The following CYP27C1 variants were observed in gnomAD, a reference collection of about 807,000 sequenced individuals.
CYP27C1 encodes the protein cytochrome P450 family 27 subfamily C member 1.
A neutral mutation model predicts 40.6 loss-of-function variants in CYP27C1; 29 were observed. That is an observed-to-expected ratio of 0.71 (90% CI 0.53 to 0.97). The LOEUF (loss-of-function observed/expected upper bound fraction) is 0.97. Ranked by LOEUF, CYP27C1 falls within the 50% of genes least tolerant of loss-of-function variation. CYP27C1 has a pLI of 0.00. For synonymous variants in CYP27C1, 198 were observed against 186.8 expected (o/e 1.06, Z -0.49); for missense variants, 390 against 485.8 (o/e 0.80, Z 1.85).
intron 1 of CYP27C1, among the ~76,000 whole-genome samples, chr2:127,207,648 T>C (rs1301147697): frequency 1.3e-5 from 2 of 150,926 alleles, no homozygotes; most frequent in African/African-American, 4.9e-5. Context: ...CAGGCCTGGG[T>C]GACAGAGCAA....
chr2:127,184,955 G>A lies in CYP27C1; in HGVS notation c.*2316C>T, dbSNP rs1025547262. 1 of 152,226 alleles carries A rather than the reference G, an allele frequency of 6.6e-6. No individual in the cohort carries two copies. Among genetic ancestry groups the A allele is most frequent in the Non-Finnish European group, 1.5e-5 (1 of 68,144 alleles). The allele number at this position is 152,226 out of a possible 1,614,324, so 9.4% of individuals were successfully genotyped here. On this transcript the variant is annotated 3_prime_UTR_variant, in exon 9 of 9. Coordinates refer to ENST00000664447, the MANE Select transcript of CYP27C1 (RefSeq NM_001367502.1). Reference sequence around the variant, plus strand: ...CAGCCTCAGCCTCCCAAATAGCTAGGACTACAGGCATGCACCACCACACTC... The same window carrying A: ...CAGCCTCAGCCTCCCAAATAGCTAGAACTACAGGCATGCACCACCACACTC...
In CYP27C1 at chr2:127,193,141, T is replaced by G. The variant is rs1304916214; in HGVS notation, c.1450A>C (p.Ile484Leu). 6.2e-7 allele frequency: 1 copy of G among 1,614,096 alleles called. No homozygotes were observed. The highest frequency in any genetic ancestry group is 8.5e-7 in the Non-Finnish European group (1 of 1,180,050). The change falls in exon 8 of 9, where the codon ATA becomes CTA. Residue 484 changes from isoleucine (I) to leucine (L), a missense_variant. By Grantham distance (5) the Ile-to-Leu change is conservative. Coordinates refer to ENST00000664447, the MANE Select transcript of CYP27C1 (RefSeq NM_001367502.1). ...TCCAGTTCTGCAATTCTCCGCCCTA[T>G]GCAGCTGCGAACCCCATGACCAAAG... is the stretch of plus-strand genomic sequence containing the variant. The part of the protein sequence containing the change: ...IPFGHGVRSC[I>L]GRRIAELEIH...
intron 2 of CYP27C1, among the ~76,000 whole-genome samples, chr2:127,204,555 G>GAGAGAGAAAGAA (rs1553503372): frequency 9.4e-4 from 37 of 39,176 alleles, no homozygotes; most frequent in East Asian, 1.5e-3. Flanking sequence ...GAGAGAGAGA[G>GAGAGAGAAAGAA]AGAAAGAAAG....
rs928563595 is a variant in CYP27C1 at position 127,196,430 on chromosome 2, G to T, written c.1048-929C>A. On this transcript the variant is annotated intron_variant, in intron 5 of 8. Transcript: ENST00000664447. The surrounding 1 kb of genome is among the most constrained non-coding windows in gnomAD (Gnocchi z 4.5). ...TGAAAATAATTGTTTTATTCTCGTA[G>T]GTCCCAAGATTTTCGCTAAAATCAA... Among the ~76,000 whole-genome samples the T allele has an allele frequency of 5.3e-5, 8 of 151,762 alleles. No individual in the cohort carries two copies. The highest frequency in any genetic ancestry group is 1.9e-4 in the African/African-American group (8 of 41,258).
In CYP27C1 at chr2:127,185,937, G is replaced by A. The variant is rs186818952; in HGVS notation, c.*1334C>T. The A allele has an allele frequency of 2.2e-4, 34 of 152,316 alleles. 1 individual carries two copies. The highest frequency in any genetic ancestry group is 7.9e-4 in the African/African-American group (33 of 41,562). The allele number at this position is 152,316 out of a possible 1,614,324, so 9.4% of individuals were successfully genotyped here. ...CAGGACCCAGCACTCCCGGAGCCAC[G>A]GCTTCCCAGAGAGCCTGGCACAGGC... On this transcript the variant is annotated 3_prime_UTR_variant, in exon 9 of 9. Coordinates refer to ENST00000664447, the MANE Select transcript of CYP27C1 (RefSeq NM_001367502.1). This position sits in a 1 kb window ranked among gnomAD's most constrained non-coding sequence, Gnocchi z 4.9.
rs1197248849 is a variant in CYP27C1, at chr2:127,208,149, T to G, written c.283-2059A>C. ...GAGGCTCCCATCAAAAAAAACATAATAAGCATGTGAAACCTTCCCTGGCAG... is the reference window on the plus strand; with the variant it reads ...GAGGCTCCCATCAAAAAAAACATAAGAAGCATGTGAAACCTTCCCTGGCAG... On this transcript the variant is annotated intron_variant, in intron 1 of 8. Coordinates refer to ENST00000664447, the MANE Select transcript of CYP27C1 (RefSeq NM_001367502.1). The surrounding 1 kb of genome is among the most constrained non-coding windows in gnomAD (Gnocchi z 5.2). 6.6e-6 allele frequency among the ~76,000 whole-genome samples: 1 copy of G among 152,066 alleles called. No individual in the cohort carries two copies. Among genetic ancestry groups the G allele is most frequent in the Non-Finnish European group, 1.5e-5 (1 of 68,012 alleles).
chr2:127,212,797 G>A (rs956183986), intron 1 of CYP27C1, among the ~76,000 whole-genome samples: 6 of 152,204 alleles, frequency 3.9e-5, no homozygotes, highest in African/African-American at 1.4e-4. Flanking sequence ...ATTCAACATA[G>A]TATTGGAAGT....
chr2:127,201,749 G>A lies in CYP27C1; in HGVS notation c.674-418C>T, dbSNP rs557048618. On this transcript the variant is annotated intron_variant, in intron 3 of 8. Transcript: ENST00000664447. The surrounding 1 kb of genome is among the most constrained non-coding windows in gnomAD (Gnocchi z 6.0). The stretch of plus-strand genomic sequence containing the variant: ...AACACCCTCCTCTCAGGAAGGAGTC[G>A]GCAAACCTCACATGGCCTCTCCCTG... Among the ~76,000 whole-genome samples the A allele has an allele frequency of 8.5e-5, 13 of 152,074 alleles. No individual in the cohort carries two copies. The highest frequency in any genetic ancestry group is 3.9e-4 in the East Asian group (2 of 5,192).
At position 127,195,443 on chromosome 2, in the gene CYP27C1, T is replaced by C. The variant is rs1351586582; in HGVS notation, c.1106A>G (p.Gln369Arg). ...CTTCACAATCTCCCGGTACACCGTC[T>C]GCTGCACTTCTGGGTGCCTTGCCAG... Reference protein sequence around the residue: ...YLLARHPEVQQTVYREIVKNL... With the variant: ...YLLARHPEVQRTVYREIVKNL... The change falls in exon 6 of 9, where the codon CAG becomes CGG. Residue 369 changes from glutamine (Q) to arginine (R), a missense_variant. By Grantham distance (43) the Gln-to-Arg change is conservative (BLOSUM62 1). Transcript: ENST00000664447. The surrounding 1 kb of genome is among the most constrained non-coding windows in gnomAD (Gnocchi z 6.2). 6.2e-7 allele frequency: 1 copy of C among 1,614,120 alleles called. No individual in the cohort carries two copies.
At chr2:127,192,490 G>A (rs1460404618) in intron 8 of CYP27C1, among the ~76,000 whole-genome samples, 1 of 152,196 alleles carries the variant, frequency 6.6e-6, no homozygotes, top group Non-Finnish European at 1.5e-5. Context: ...TCACATGTAA[G>A]GTGTTCTGTA....
Position 127,196,312 on chromosome 2 carries a change from G to A in CYP27C1, c.1048-811C>T, listed in dbSNP as rs774889870. ...CCTGACCTTGTGATCTGCCCACCTCGGGTCTCCCAAAGTGCTGGGATTACA... is the reference window on the plus strand; with the variant it reads ...CCTGACCTTGTGATCTGCCCACCTCAGGTCTCCCAAAGTGCTGGGATTACA... On this transcript the variant is annotated intron_variant, in intron 5 of 8. Coordinates refer to ENST00000664447, the MANE Select transcript of CYP27C1 (RefSeq NM_001367502.1). The surrounding 1 kb of genome is among the most constrained non-coding windows in gnomAD (Gnocchi z 4.5). Among the ~76,000 whole-genome samples the A allele has an allele frequency of 3.3e-5, 5 of 151,592 alleles. No individual in the cohort carries two copies. Among genetic ancestry groups the A allele is most frequent in the South Asian group, 4.2e-4 (2 of 4,806 alleles).
In CYP27C1 at chr2:127,193,842, C is replaced by G. The variant is rs571094660; in HGVS notation, c.1240G>C (p.Gly414Arg). 1.9e-6 allele frequency: 3 copies of G among 1,614,170 alleles called. No individual in the cohort carries two copies. Among genetic ancestry groups the G allele is most frequent in the African/African-American group, 1.3e-5 (1 of 75,026 alleles). Residue 414 changes from glycine to arginine, a missense_variant, in exon 7 of 9, where the codon GGC becomes CGC. Physicochemically the swap from Gly to Arg is moderately radical, Grantham distance 125 (BLOSUM62 -2). Coordinates refer to ENST00000664447, the MANE Select transcript of CYP27C1 (RefSeq NM_001367502.1). Reference protein sequence around the residue: ...LRLFPVLPGNGRVTQEDLVIG... With the variant: ...LRLFPVLPGNRRVTQEDLVIG... Reference sequence around the variant, plus strand: ...ACCAGGTCTTCCTGGGTGACCCGGCCGTTCCCTGGCAGCACTGGAAACAGC... The same window carrying G: ...ACCAGGTCTTCCTGGGTGACCCGGCGGTTCCCTGGCAGCACTGGAAACAGC...
Position 127,184,301 on chromosome 2 carries a change from G to T in CYP27C1, c.*2970C>A, listed in dbSNP as rs1682567523. 1 of 151,438 alleles carries T rather than the reference G, an allele frequency of 6.6e-6. No homozygotes were observed. Among genetic ancestry groups the T allele is most frequent in the African/African-American group, 2.4e-5 (1 of 41,240 alleles). 9.4% of individuals were successfully genotyped at this position (151,438 alleles called of 1,614,324 possible). A position where few individuals can be genotyped will look rare whatever the true frequency, so the allele number is the denominator to read the frequency against. ...ATCTCTTAAATGTCTTTTTACAAGT[G>T]GTTTATTTGAATCTGATTCAAACGA... On this transcript the variant is annotated 3_prime_UTR_variant, in exon 9 of 9. Transcript: ENST00000664447.
intron 1 of CYP27C1, among the ~76,000 whole-genome samples, chr2:127,212,202 G>A (rs1683352360): frequency 6.6e-6 from 1 of 152,140 alleles, no homozygotes; most frequent in African/African-American, 2.4e-5. Flanking sequence ...AAAAAGCCCA[G>A]GACTAGATGG....
rs749175284 is a variant in CYP27C1 at position 127,201,348 on chromosome 2, AT to A, written c.674-18del. 6.2e-7 allele frequency: 1 copy of A among 1,605,844 alleles called. No individual in the cohort carries two copies. The highest frequency in any genetic ancestry group is 8.5e-7 in the Non-Finnish European group (1 of 1,174,668). ...TGGCCACTCCTAGACAGGAAAGAGA[AT>A]TTGAAAACCCTCTTCTAGATTATTT... On this transcript the variant is annotated intron_variant, in intron 3 of 8. Transcript: ENST00000664447. The surrounding 1 kb of genome is among the most constrained non-coding windows in gnomAD (Gnocchi z 6.0).
chr2:127,197,032 G>C (rs1423901528), intron 5 of CYP27C1, among the ~76,000 whole-genome samples: 1 of 152,188 alleles, frequency 6.6e-6, no homozygotes, highest in Non-Finnish European at 1.5e-5. Flanking sequence ...GTAAGAATTT[G>C]TTCCCTGGCT....
chr2:127,187,004 G>A lies in CYP27C1; in HGVS notation c.*267C>T. 1 of 431,764 alleles carries A rather than the reference G, an allele frequency of 2.3e-6. No individual in the cohort carries two copies. Among genetic ancestry groups the A allele is most frequent in the Non-Finnish European group, 4.2e-6 (1 of 235,786 alleles). The allele number at this position is 431,764 out of a possible 1,614,324, so 26.7% of individuals were successfully genotyped here. On this transcript the variant is annotated 3_prime_UTR_variant, in exon 9 of 9. Transcript: ENST00000664447. The stretch of plus-strand genomic sequence containing the variant: ...AAATATTGAGTCTAGCACAATGTAT[G>A]AAGCATAAAAATTCACTGCCACTGG...
rs549532509 is a variant in CYP27C1, at chr2:127,188,866, G to A, written c.1498-1479C>T. ...GCTCAAGGGTCAAGTCTTGCAATGGGGACGCAGGCGGAACTCATGCCTTTG... is the reference window on the plus strand; with the variant it reads ...GCTCAAGGGTCAAGTCTTGCAATGGAGACGCAGGCGGAACTCATGCCTTTG... On this transcript the variant is annotated intron_variant, in intron 8 of 8. Transcript: ENST00000664447. Among the ~76,000 whole-genome samples the A allele has an allele frequency of 2.0e-5, 3 of 152,210 alleles. No homozygotes were observed. In the East Asian group the frequency reaches 5.8e-4, roughly 29 times the overall value.
At chr2:127,204,212 G>C (rs937346666) in intron 2 of CYP27C1, among the ~76,000 whole-genome samples, 2 of 149,300 alleles carry the variant, frequency 1.3e-5, no homozygotes, top group African/African-American at 4.9e-5. Context: ...GTCATGGTGA[G>C]CCAAGATCAC....
Sources: gnomAD v4.1 joint callset for allele counts (sites outside exome capture counted in the v4.1 genomes callset) on GRCh38, gnomAD v4.1.1 for gene constraint, Gnocchi (gnomAD v3.1) non-coding constraint, MANE v1.5 for transcripts, NCBI Gene and HGNC (gene_info 2026-07-23, HGNC 2026-07-21) for gene names.